NME7: variants seen among roughly 807,000 people sequenced by gnomAD.
The protein encoded by NME7 is nucleoside diphosphate kinase 7.
A neutral mutation model predicts 49.1 loss-of-function variants in NME7; 41 were observed. The ratio of observed to expected loss-of-function variants is 0.83; its 90% CI spans 0.65 to 1.08. The LOEUF is 1.08. Among genes scored for constraint, NME7 ranks in the 50% least tolerant of loss-of-function variants. The pLI, the probability that NME7 is intolerant of heterozygous loss-of-function variation, is 0.00. For synonymous variants in NME7, 139 were observed against 150.6 expected (o/e 0.92, Z 0.56); for missense variants, 423 against 463.4 (o/e 0.91, Z 0.80).
chr1:169,303,624 G>A (rs12068499), intron 4 of NME7, among the ~76,000 whole-genome samples: 2,208 of 151,990 alleles, frequency 0.015, 59 homozygotes, highest in African/African-American at 0.05. Flanking sequence ...GCTAATTTTT[G>A]TACTTTTACT....
chr1:169,200,230 A>T (rs1660508062), intron 10 of NME7, among the ~76,000 whole-genome samples: 1 of 152,116 alleles, frequency 6.6e-6, no homozygotes, highest in Non-Finnish European at 1.5e-5. Flanking sequence ...GCAGGGAGTT[A>T]TTCTGTTGGA....
chr1:169,284,486 C>T (rs1306490973), intron 7 of NME7: 2 of 151,872 alleles, frequency 1.3e-5, no homozygotes, highest in Non-Finnish European at 2.9e-5. Flanking sequence ...GATATTAAAC[C>T]TTTGTGAAAT....
At chr1:169,308,579 C>T (rs1320089940) in intron 4 of NME7, among the ~76,000 whole-genome samples, 1 of 152,160 alleles carries the variant, frequency 6.6e-6, no homozygotes, top group Non-Finnish European at 1.5e-5. Flanking sequence ...CAGAATGTTT[C>T]AGTCTTTGCT....
At chr1:169,248,226 G>A (rs1413200468) in intron 7 of NME7, among the ~76,000 whole-genome samples, 1 of 151,978 alleles carries the variant, frequency 6.6e-6, no homozygotes, top group Admixed American at 6.6e-5. Flanking sequence ...GCATATTCCT[G>A]ATGATCAGTG....
intron 3 of NME7, among the ~76,000 whole-genome samples, chr1:169,315,725 C>T (rs537530285): frequency 4.6e-5 from 7 of 152,200 alleles, no homozygotes; most frequent in Admixed American, 1.3e-4. Flanking sequence ...AACAAATCTC[C>T]GTATGTTTGG....
chr1:169,205,808 A>T (rs1318007577), intron 10 of NME7, among the ~76,000 whole-genome samples: 1 of 152,132 alleles, frequency 6.6e-6, no homozygotes, highest in African/African-American at 2.4e-5. Flanking sequence ...AGTAAAAGCT[A>T]AAGTATTTTC....
rs781136416 is a variant in NME7, at chr1:169,169,536, G to A, written c.1009C>T (p.Arg337Cys). The A allele has an allele frequency of 6.6e-5, 106 of 1,613,744 alleles. 1 individual carries two copies. The highest frequency in any genetic ancestry group is 3.3e-4 in the Middle Eastern group (2 of 6,082). Residue 337 changes from arginine (R) to cysteine (C), a missense_variant, in exon 11 of 12, where the codon CGC becomes TGC. Coordinates refer to ENST00000367811, the MANE Select transcript of NME7 (RefSeq NM_013330.5). ...AAGATTGCTCTGAGAGTTCCAGGGC[G>A]TAAATGCCGGGCAATTTCCTATTAA... Reference protein sequence around the residue: ...PADPEIARHLRPGTLRAIFGK... With the variant: ...PADPEIARHLCPGTLRAIFGK...
intron 7 of NME7, among the ~76,000 whole-genome samples, chr1:169,269,348 C>CTGTGT (rs1649415275): frequency 7.5e-6 from 1 of 133,814 alleles, no homozygotes; most frequent in South Asian, 2.3e-4. Context: ...TCAGATAGAA[C>CTGTGT]AGAACACATT....
intron 7 of NME7, among the ~76,000 whole-genome samples, chr1:169,279,547 A>G (rs1649911460): frequency 6.6e-6 from 1 of 152,196 alleles, no homozygotes; most frequent in South Asian, 2.1e-4. Context: ...AGAAAAGCAC[A>G]GTATTTGGGT....
intron 11 of NME7, among the ~76,000 whole-genome samples, chr1:169,137,017 A>C (rs1658453138): frequency 6.6e-6 from 1 of 152,254 alleles, no homozygotes; most frequent in African/African-American, 2.4e-5. Flanking sequence ...TCCAGCACCA[A>C]ATTAAAATAT....
intron 1 of NME7, among the ~76,000 whole-genome samples, chr1:169,334,082 A>G (rs1270793849): frequency 6.6e-6 from 1 of 152,224 alleles, no homozygotes; most frequent in Non-Finnish European, 1.5e-5. Flanking sequence ...GGATTCCATA[A>G]TGCATGATGG....
chr1:169,164,203 T>TA (rs2101837385), intron 11 of NME7, among the ~76,000 whole-genome samples: 1 of 152,096 alleles, frequency 6.6e-6, no homozygotes, highest in East Asian at 1.9e-4. Context: ...CAACCAAGGC[T>TA]AGGAAACACT....
intron 1 of NME7, among the ~76,000 whole-genome samples, chr1:169,328,764 T>A (rs1652155664): frequency 6.6e-6 from 1 of 152,172 alleles, no homozygotes; most frequent in Non-Finnish European, 1.5e-5. Flanking sequence ...TCAATAAAAA[T>A]TTTAGTAACA....
At chr1:169,249,293 TTGGTGTA>T (rs1345760932) in intron 7 of NME7, among the ~76,000 whole-genome samples, 103 of 152,270 alleles carry the variant, frequency 6.8e-4, no homozygotes, top group Middle Eastern at 3.4e-3. Flanking sequence ...ATGGTCATTG[TTGGTGTA>T]TAGCACTGCT....
intron 1 of NME7, among the ~76,000 whole-genome samples, chr1:169,355,120 C>T (rs181322665): frequency 0.02 from 438 of 22,424 alleles, 46 homozygotes; most frequent in African/African-American, 0.054. Flanking sequence ...ATATAATATA[C>T]TATATATTAT....
At chr1:169,242,101 T>C (rs1648114265) in intron 7 of NME7, among the ~76,000 whole-genome samples, 1 of 151,922 alleles carries the variant, frequency 6.6e-6, no homozygotes, top group South Asian at 2.1e-4. Flanking sequence ...ACATAAAAAT[T>C]ATTTCCAAAT....
chr1:169,355,367 TACACACACAC>T (rs36138444), intron 1 of NME7, among the ~76,000 whole-genome samples: 5,948 of 71,200 alleles, frequency 0.084, 316 homozygotes, highest in Admixed American at 0.14. Flanking sequence ...ATATATATTA[TACACACACAC>T]ACACACACAC....
At chr1:169,228,085 A>C (rs1465941327) in intron 10 of NME7, among the ~76,000 whole-genome samples, 1 of 150,532 alleles carries the variant, frequency 6.6e-6, no homozygotes, top group Non-Finnish European at 1.5e-5. Context: ...TATACGTGTA[A>C]TTTTATAGCA....
chr1:169,364,858 A>T (rs10919151), intron 1 of NME7, among the ~76,000 whole-genome samples: 1 of 152,188 alleles, frequency 6.6e-6, no homozygotes, highest in African/African-American at 2.4e-5. Flanking sequence ...GGACTATGGG[A>T]GGGACCTAAA....
Sources: allele counts gnomAD v4.1 joint callset (sites outside exome capture counted in the v4.1 genomes callset), GRCh38; gene constraint gnomAD v4.1.1; transcripts MANE v1.5; gene names NCBI Gene and HGNC (gene_info 2026-07-23, HGNC 2026-07-21).